Variants in CHODL observed in about 807,000 individuals in gnomAD.
The protein encoded by CHODL is transmembrane protein MT75.
In CHODL, 29 loss-of-function variants were observed where a neutral mutation model predicts 34.5. That is an observed-to-expected ratio of 0.84 (90% CI 0.63 to 1.15). The LOEUF (loss-of-function observed/expected upper bound fraction) is 1.15. Among genes scored for constraint, CHODL ranks in the 50% most tolerant of loss-of-function variants. The probability of loss-of-function intolerance (pLI) is 0.00; values close to 1 mark genes in which losing one functional copy is unlikely to be tolerated. For missense variants in CHODL, 332 were observed against 332.5 expected, an observed-to-expected ratio of 1.00 and a Z score of 0.01; for synonymous variants, 125 against 116.1, an observed-to-expected ratio of 1.08 and a Z score of -0.49.
At chr21:18,040,002 A>C (rs1268373829) in intron 2 of CHODL, among the ~76,000 whole-genome samples, 3 of 151,846 alleles carry the variant, frequency 2.0e-5, no homozygotes, top group East Asian at 3.9e-4. Flanking sequence ...ATAGTTTTTC[A>C]CAGATGGATC....
At chr21:18,063,980 C>CA (rs2064700436) in intron 2 of CHODL, among the ~76,000 whole-genome samples, 1 of 152,132 alleles carries the variant, frequency 6.6e-6, no homozygotes, top group African/African-American at 2.4e-5. Flanking sequence ...GATGATGTCC[C>CA]TGTTTCCTAA....
chr21:18,127,872 A>G (rs1002817094), intron 2 of CHODL, among the ~76,000 whole-genome samples: 2 of 151,864 alleles, frequency 1.3e-5, no homozygotes, highest in African/African-American at 4.8e-5. Context: ...CCTGTGGGAC[A>G]CCGTCAAACA....
chr21:18,265,329 ATAC>A (rs2074445596), intron 5 of CHODL, among the ~76,000 whole-genome samples: 1 of 149,784 alleles, frequency 6.7e-6, no homozygotes, highest in Admixed American at 6.7e-5. Flanking sequence ...ATATGATGGA[ATAC>A]TACTCATCCA....
intron 1 of CHODL, among the ~76,000 whole-genome samples, chr21:17,971,585 T>G (rs1362937459): frequency 1.3e-5 from 2 of 152,166 alleles, no homozygotes; most frequent in African/African-American, 4.8e-5. Context: ...GGGTTGTTTG[T>G]TTTTTTCTTG....
chr21:18,023,038 G>A (rs1476592808), intron 1 of CHODL, among the ~76,000 whole-genome samples: 1 of 152,206 alleles, frequency 6.6e-6, no homozygotes, highest in Non-Finnish European at 1.5e-5. Flanking sequence ...GATTTCATAG[G>A]AATGATCTCA....
chr21:17,969,007 G>T (rs1048080386), intron 1 of CHODL, among the ~76,000 whole-genome samples: 1 of 152,132 alleles, frequency 6.6e-6, no homozygotes, highest in Non-Finnish European at 1.5e-5. Context: ...GTGGACACCT[G>T]GGGTAACTGC....
At chr21:17,923,719 C>T (rs1229100122) in intron 1 of CHODL, among the ~76,000 whole-genome samples, 1 of 152,090 alleles carries the variant, frequency 6.6e-6, no homozygotes, top group African/African-American at 2.4e-5. Context: ...CCTCAGCCTC[C>T]CAAAGTACTG....
At chr21:17,920,906 A>C (rs1280797594) in intron 1 of CHODL, among the ~76,000 whole-genome samples, 1 of 152,184 alleles carries the variant, frequency 6.6e-6, no homozygotes, top group African/African-American at 2.4e-5. Context: ...AAGTTATATG[A>C]TCACTTGCCT....
intron 1 of CHODL, among the ~76,000 whole-genome samples, chr21:18,020,613 A>G (rs158049): frequency 0.051 from 7,712 of 152,284 alleles, 573 homozygotes; most frequent in African/African-American, 0.16. Context: ...CTTCGCATAG[A>G]AAACACTGGT....
In CHODL at chr21:18,074,755, A is replaced by T. The variant is rs114445051; in HGVS notation, c.-45+46784A>T. Among the ~76,000 whole-genome samples the T allele has an allele frequency of 4.9e-3, 753 of 152,306 alleles. 7 individuals are homozygous for T. The highest frequency in any genetic ancestry group is 0.017 in the African/African-American group (715 of 41,570). Reference sequence around the variant, plus strand: ...TTAATCCACTCCTGGGAAAGACTAGAATATGGAAGTCTTCAGGCTGAGTCA... The same window carrying T: ...TTAATCCACTCCTGGGAAAGACTAGTATATGGAAGTCTTCAGGCTGAGTCA... On this transcript the variant is annotated intron_variant, in intron 2 of 6. Coordinates refer to the CHODL transcript ENST00000400127.
intron 2 of CHODL, among the ~76,000 whole-genome samples, chr21:18,121,945 A>G (rs2065484558): frequency 6.6e-6 from 1 of 152,106 alleles, no homozygotes; most frequent in Non-Finnish European, 1.5e-5. Flanking sequence ...ATGAATGCAG[A>G]TTTTTATTAT....
chr21:17,932,507 G>GTA (rs1284650936), intron 1 of CHODL, among the ~76,000 whole-genome samples: 1 of 152,154 alleles, frequency 6.6e-6, no homozygotes, highest in Non-Finnish European at 1.5e-5. Flanking sequence ...ACCTGCACTT[G>GTA]TATGTTTATT....
At chr21:17,977,802 C>T (rs2063676851) in intron 1 of CHODL, among the ~76,000 whole-genome samples, 1 of 147,550 alleles carries the variant, frequency 6.8e-6, no homozygotes, top group Admixed American at 6.8e-5. Flanking sequence ...ACCTGTATTC[C>T]CAGCTACTCA....
At chr21:18,241,334 A>G (rs985881716), upstream of CHODL, among the ~76,000 whole-genome samples, 3 of 152,128 alleles carry the variant, frequency 2.0e-5, no homozygotes, top group Non-Finnish European at 4.4e-5. Flanking sequence ...TTATTTTTCT[A>G]TATCCTGGCA....
intron 2 of CHODL, among the ~76,000 whole-genome samples, chr21:18,170,920 G>A (rs1170715754): frequency 1.3e-5 from 2 of 151,692 alleles, no homozygotes; most frequent in African/African-American, 4.8e-5. Flanking sequence ...ATTTTAGCTT[G>A]ACACTCTTTC....
chr21:18,083,333 T>C (rs888195070), intron 2 of CHODL, among the ~76,000 whole-genome samples: 7 of 152,240 alleles, frequency 4.6e-5, no homozygotes, highest in African/African-American at 1.7e-4. Context: ...GGCAGAAGTC[T>C]ACTGCAGGGG....
At chr21:17,976,339 G>A (rs1450412872) in intron 1 of CHODL, among the ~76,000 whole-genome samples, 2 of 142,292 alleles carry the variant, frequency 1.4e-5, no homozygotes, top group Non-Finnish European at 3.1e-5. Flanking sequence ...TATTCTTTTA[G>A]TTGAATGTAC....
chr21:18,060,560 A>C (rs1259236672), intron 2 of CHODL, among the ~76,000 whole-genome samples: 1 of 151,982 alleles, frequency 6.6e-6, no homozygotes, highest in Non-Finnish European at 1.5e-5. Flanking sequence ...CCATCAGGGC[A>C]GTCCACAGAC....
intron 1 of CHODL, among the ~76,000 whole-genome samples, chr21:17,983,774 C>T (rs1302959013): frequency 6.6e-6 from 1 of 152,010 alleles, no homozygotes; most frequent in East Asian, 1.9e-4. Flanking sequence ...ATAATAACCG[C>T]ACATATTTAA....
Sources: allele counts gnomAD v4.1 joint callset (sites outside exome capture counted in the v4.1 genomes callset), GRCh38; gene constraint gnomAD v4.1.1; transcripts MANE v1.5; gene names NCBI Gene and HGNC (gene_info 2026-07-23, HGNC 2026-07-21).